Variants in NCKAP5 observed in about 807,000 individuals in gnomAD.
NCKAP5 encodes the protein NCK associated protein 5.
A neutral mutation model predicts 167.0 loss-of-function variants in NCKAP5; 92 were observed. That is an observed-to-expected ratio of 0.55 (90% CI 0.47 to 0.66). NCKAP5 has a LOEUF of 0.66. Ranked by LOEUF, NCKAP5 falls within the 30% of genes least tolerant of loss-of-function variation. The pLI, the probability that NCKAP5 is intolerant of heterozygous loss-of-function variation, is 0.00. For missense variants in NCKAP5, 2,378 were observed against 2,315.0 expected (o/e 1.03, Z -0.56); for synonymous variants, 891 against 877.4 (o/e 1.02, Z -0.27).
At chr2:133,256,025 C>T (rs1277993773) in intron 4 of NCKAP5, among the ~76,000 whole-genome samples, 1 of 152,024 alleles carries the variant, frequency 6.6e-6, no homozygotes, top group East Asian at 1.9e-4. Flanking sequence ...CTTCCTATTT[C>T]AAAGTGGAAG....
intron 5 of NCKAP5, among the ~76,000 whole-genome samples, chr2:133,175,461 G>A (rs1015840382): frequency 6.6e-6 from 1 of 151,918 alleles, no homozygotes; most frequent in African/African-American, 2.4e-5. Flanking sequence ...TGTTTTCTTT[G>A]GAATTCTTCT....
intron 8 of NCKAP5, among the ~76,000 whole-genome samples, chr2:132,905,418 C>T (rs1467261952): frequency 5.3e-5 from 8 of 152,164 alleles, no homozygotes; most frequent in East Asian, 1.9e-4. Flanking sequence ...CCTCTCTTTT[C>T]GAAACATTTC....
At chr2:133,642,240 T>C in the NCKAP5 span, among the ~76,000 whole-genome samples, 1 of 152,240 alleles carries the variant, frequency 6.6e-6, no homozygotes, top group East Asian at 1.9e-4. Context: ...AATCTACTCA[T>C]ACAGGATCAC....
chr2:133,177,180 A>G (rs920719276), intron 5 of NCKAP5, among the ~76,000 whole-genome samples: 1 of 138,362 alleles, frequency 7.2e-6, no homozygotes, highest in African/African-American at 2.8e-5. Context: ...ATATATATAT[A>G]TATATATACT....
At chr2:133,534,599 G>A (rs1321918721) in intron 2 of NCKAP5, among the ~76,000 whole-genome samples, 1 of 152,068 alleles carries the variant, frequency 6.6e-6, no homozygotes, top group Non-Finnish European at 1.5e-5. Flanking sequence ...AGTAATCTTT[G>A]TGACTAACTT....
At chr2:132,990,427 A>G (rs1487026509) in intron 7 of NCKAP5, among the ~76,000 whole-genome samples, 1 of 152,158 alleles carries the variant, frequency 6.6e-6, no homozygotes, top group African/African-American at 2.4e-5. Context: ...CCAGCCTGTT[A>G]AGTTAACATG....
intron 7 of NCKAP5, among the ~76,000 whole-genome samples, chr2:132,992,792 T>G (rs533225777): frequency 2.6e-5 from 4 of 152,322 alleles, no homozygotes; most frequent in African/African-American, 9.6e-5. Context: ...AAATTGATCT[T>G]AGTGATTTTT....
intron 3 of NCKAP5, among the ~76,000 whole-genome samples, chr2:133,470,353 A>T (rs192021119): frequency 1.3e-5 from 2 of 152,236 alleles, no homozygotes; most frequent in Non-Finnish European, 2.9e-5. Context: ...CCACTTGAGG[A>T]GGCAGTCTGC....
At chr2:133,606,316 T>G in the NCKAP5 span, among the ~76,000 whole-genome samples, 139 of 152,300 alleles carry the variant, frequency 9.1e-4, no homozygotes, top group Admixed American at 1.7e-3. Context: ...TGTAGACAAA[T>G]AAGTTTCCTA....
At chr2:132,857,017 A>G (rs1456700908) in intron 11 of NCKAP5, among the ~76,000 whole-genome samples, 1 of 152,176 alleles carries the variant, frequency 6.6e-6, no homozygotes, top group East Asian at 1.9e-4. Context: ...ACCCCATGGG[A>G]CTGTGATAAA....
chr2:133,321,619 T>C (rs1480809203), intron 3 of NCKAP5, among the ~76,000 whole-genome samples: 2 of 152,148 alleles, frequency 1.3e-5, no homozygotes, highest in Non-Finnish European at 2.9e-5. Context: ...GTAGAAATGT[T>C]TTATAAAAGA....
chr2:132,949,003 T>TGAAAAGAAAAGAAAA lies in NCKAP5; in HGVS notation c.579+14702_579+14716dup, dbSNP rs11275092. Among the ~76,000 whole-genome samples the TGAAAAGAAAAGAAAA allele has an allele frequency of 4.2e-3, 544 of 130,258 alleles. 3 individuals are homozygous for TGAAAAGAAAAGAAAA. Among genetic ancestry groups the TGAAAAGAAAAGAAAA allele is most frequent in the African/African-American group, 0.013 (460 of 34,460 alleles). 85.5% of individuals were successfully genotyped at this position (130,258 alleles called of 152,430 possible). ...CAGAAGCAACAAAGATCCAGAGAAA[T>TGAAAAGAAAAGAAAA]GAAAAGAAAAGAAAAGAAAAGAAAA... On this transcript the variant is annotated intron_variant, in intron 8 of 19. Transcript: ENST00000409261.
At chr2:133,054,368 A>C (rs545789474) in intron 6 of NCKAP5, among the ~76,000 whole-genome samples, 2 of 152,226 alleles carry the variant, frequency 1.3e-5, no homozygotes, top group Non-Finnish European at 1.5e-5. Context: ...ACAACGTTCT[A>C]TGAGAGATCT....
In NCKAP5 at chr2:133,271,349, C is replaced by T. The variant is rs375809260; in HGVS notation, c.143+31688G>A. Among the ~76,000 whole-genome samples the T allele has an allele frequency of 6.6e-5, 10 of 152,220 alleles. No homozygotes were observed. In the East Asian group the frequency reaches 9.6e-4, roughly 15 times the overall value. ...AATATTCCAACTACAAATACTGCCT[C>T]CTGACTTTTTGTTAACTGCGAAGGG... On this transcript the variant is annotated intron_variant, in intron 4 of 19. Coordinates refer to ENST00000409261, the MANE Select transcript of NCKAP5 (RefSeq NM_207363.3).
At chr2:133,362,847 G>A (rs1258721966) in intron 3 of NCKAP5, among the ~76,000 whole-genome samples, 1 of 152,118 alleles carries the variant, frequency 6.6e-6, no homozygotes. Context: ...TCTGTCTCCC[G>A]GGTTCACACC....
At chr2:132,883,334 A>G (rs1691938612) in intron 8 of NCKAP5, among the ~76,000 whole-genome samples, 1 of 151,790 alleles carries the variant, frequency 6.6e-6, no homozygotes. Flanking sequence ...TTAGTTGCAT[A>G]CTTCCTACTT....
chr2:132,854,911 G>A lies in NCKAP5; in HGVS notation c.807+5581C>T, dbSNP rs189652613. Reference sequence around the variant, plus strand: ...AGGAAAACCTATGTCATGCTCTGTGGAGTGAAAGTATTTCTGCTTGGCTGA... The same window carrying A: ...AGGAAAACCTATGTCATGCTCTGTGAAGTGAAAGTATTTCTGCTTGGCTGA... On this transcript the variant is annotated intron_variant, in intron 11 of 19. Transcript: ENST00000409261. Among the ~76,000 whole-genome samples, 401 of 152,272 alleles carry A rather than the reference G, an allele frequency of 2.6e-3. 1 individual carries two copies. The highest frequency in any genetic ancestry group is 9.2e-3 in the African/African-American group (384 of 41,558).
rs536206497 is a variant in NCKAP5 at position 133,487,018 on chromosome 2, A to G, written c.69+30440T>C. On this transcript the variant is annotated intron_variant, in intron 3 of 19. Coordinates refer to ENST00000409261, the MANE Select transcript of NCKAP5 (RefSeq NM_207363.3). ...CCAGCACACTGCAGGAGTAAAAGGC[A>G]GTGCCCAGCCCTGTGTCTTTGAAAG... Among the ~76,000 whole-genome samples, 6 of 152,312 alleles carry G rather than the reference A, an allele frequency of 3.9e-5. 1 individual carries two copies. Among genetic ancestry groups the G allele is most frequent in the African/African-American group, 1.4e-4 (6 of 41,568 alleles).
intron 8 of NCKAP5, among the ~76,000 whole-genome samples, chr2:132,902,197 G>C (rs1352734507): frequency 6.6e-6 from 1 of 152,142 alleles, no homozygotes; most frequent in Non-Finnish European, 1.5e-5. Context: ...ATCTGAGAAA[G>C]TCAATTATTA....
Sources: gnomAD v4.1 joint callset for allele counts (sites outside exome capture counted in the v4.1 genomes callset) on GRCh38, gnomAD v4.1.1 for gene constraint, MANE v1.5 for transcripts, NCBI Gene and HGNC (gene_info 2026-07-23, HGNC 2026-07-21) for gene names.